UBE2Q2: variants seen among roughly 807,000 people sequenced by gnomAD.
The protein encoded by UBE2Q2 is ubiquitin-conjugating enzyme E2 Q2.
In UBE2Q2, 54 loss-of-function variants were observed where a neutral mutation model predicts 59.9. The ratio of observed to expected loss-of-function variants is 0.90; its 90% confidence interval spans 0.72 to 1.13. UBE2Q2 has a LOEUF of 1.13. Among genes scored for constraint, UBE2Q2 ranks in the 50% most tolerant of loss-of-function variants. The pLI is 0.00. For missense variants in UBE2Q2, 433 were observed against 441.9 expected, an observed-to-expected ratio of 0.98 and a Z score of 0.18; for synonymous variants, 165 against 155.2, an observed-to-expected ratio of 1.06 and a Z score of -0.47.
intron 9 of UBE2Q2, among the ~76,000 whole-genome samples, chr15:75,889,187 A>T (rs1898956772): frequency 6.6e-6 from 1 of 152,182 alleles, no homozygotes; most frequent in East Asian, 1.9e-4. Context: ...CACAAAAAAA[A>T]ATTTAATCCC....
intron 1 of UBE2Q2, among the ~76,000 whole-genome samples, chr15:75,849,160 A>G (rs1277939350): frequency 6.6e-6 from 1 of 152,200 alleles, no homozygotes; most frequent in Non-Finnish European, 1.5e-5. Context: ...AACCATGTGT[A>G]TGCATTTTAA....
chr15:75,863,426 TTC>T (rs1240903377), intron 3 of UBE2Q2, among the ~76,000 whole-genome samples: 1 of 151,996 alleles, frequency 6.6e-6, no homozygotes, highest in Admixed American at 6.6e-5. Context: ...TCACTTTTCC[TTC>T]TGTTTTTTTT....
intron 4 of UBE2Q2, among the ~76,000 whole-genome samples, chr15:75,871,171 AT>A (rs1257723175): frequency 2.6e-5 from 4 of 152,252 alleles, no homozygotes; most frequent in African/African-American, 9.6e-5. Flanking sequence ...GCTTTTAGAT[AT>A]GCATGCACAT....
chr15:75,890,999 G>T lies in UBE2Q2; in HGVS notation c.1014G>T (p.Gln338His), dbSNP rs1359279424. Residue 338 changes from glutamine (Q) to histidine (H), a missense_variant, in exon 11 of 13, where the codon CAG becomes CAT. By Grantham distance (24) the Gln-to-His change is conservative. Transcript: ENST00000267938. ...ATLVKGKARV[Q>H]FGANKNQYNL... ...TAGTCAAAGGCAAAGCCAGAGTGCA[G>T]TTTGGAGCAAATAAGGTACTTCTGT... 6.2e-7 allele frequency: 1 copy of T among 1,611,906 alleles called. No individual in the cohort carries two copies. The highest frequency in any genetic ancestry group is 1.1e-5 in the South Asian group (1 of 90,978).
intron 11 of UBE2Q2, among the ~76,000 whole-genome samples, chr15:75,894,683 A>G (rs1899298274): frequency 6.6e-6 from 1 of 152,122 alleles, no homozygotes; most frequent in Non-Finnish European, 1.5e-5. Flanking sequence ...CCCCCAGTAC[A>G]GTAAAGTCTC....
In UBE2Q2 at chr15:75,843,787, C is replaced by G. The variant is rs370490637; in HGVS notation, c.121C>G (p.Pro41Ala). ...LDELHCQFLVPQQGSPHSLPP... is the reference protein window; with the variant it reads ...LDELHCQFLVAQQGSPHSLPP... ...CGAGCTGCACTGCCAGTTCCTGGTG[C>G]CGCAGCAGGGCAGCCCGCACTCGCT... is the stretch of plus-strand genomic sequence containing the variant. The change falls in exon 1 of 13, where the codon CCG becomes GCG. Residue 41 changes from proline to alanine, a missense_variant. Transcript: ENST00000267938. 2.5e-6 allele frequency: 4 copies of G among 1,608,774 alleles called. No individual in the cohort carries two copies. In the African/African-American group the frequency reaches 5.4e-5, roughly 22 times the overall value.
intron 6 of UBE2Q2, among the ~76,000 whole-genome samples, chr15:75,877,730 A>G (rs2141630899): frequency 6.6e-6 from 1 of 152,326 alleles, no homozygotes; most frequent in East Asian, 1.9e-4. Context: ...ACTAAACGGT[A>G]AGCAGTTTTT....
At chr15:75,895,840 C>T (rs1899388702) in intron 11 of UBE2Q2, among the ~76,000 whole-genome samples, 1 of 152,104 alleles carries the variant, frequency 6.6e-6, no homozygotes, top group Admixed American at 6.5e-5. Flanking sequence ...CTCAGAATTA[C>T]ACATATATAT....
chr15:75,854,918 G>A (rs1896823229), intron 2 of UBE2Q2, among the ~76,000 whole-genome samples: 1 of 151,956 alleles, frequency 6.6e-6, no homozygotes, highest in African/African-American at 2.4e-5. Flanking sequence ...TTTGTTTTTA[G>A]TATATAAAGA....
At chr15:75,870,516 A>G (rs768597024) in intron 4 of UBE2Q2, among the ~76,000 whole-genome samples, 1 of 152,204 alleles carries the variant, frequency 6.6e-6, no homozygotes, top group Non-Finnish European at 1.5e-5. Context: ...CCAGTTTACC[A>G]TGAAGCAGCC....
chr15:75,878,749 C>A (rs1898226780), intron 7 of UBE2Q2, among the ~76,000 whole-genome samples: 1 of 151,844 alleles, frequency 6.6e-6, no homozygotes, highest in East Asian at 1.9e-4. Context: ...CTCCTTGAAC[C>A]CTTTGGCTAA....
At position 75,897,074 on chromosome 15, in the gene UBE2Q2, C is replaced by T; in HGVS notation, c.1096+13C>T. 6.7e-7 allele frequency: 1 copy of T among 1,497,778 alleles called. No homozygotes were observed. Among genetic ancestry groups the T allele is most frequent in the African/African-American group, 1.4e-5 (1 of 71,016 alleles). The allele number at this position is 1,497,778 out of a possible 1,614,324, so 92.8% of individuals were successfully genotyped here. ...CATGAGAAAAATGGTATGTTTAATTCAATAAGTGTTTATTGCCATTTAAGA... is the reference window on the plus strand; with the variant it reads ...CATGAGAAAAATGGTATGTTTAATTTAATAAGTGTTTATTGCCATTTAAGA... On this transcript the variant is annotated intron_variant, in intron 12 of 12. Coordinates refer to ENST00000267938, the MANE Select transcript of UBE2Q2 (RefSeq NM_173469.4).
At position 75,843,599 on chromosome 15, in the gene UBE2Q2, T is replaced by A; in HGVS notation, c.-68T>A. The A allele has an allele frequency of 7.2e-7, 1 of 1,391,632 alleles. No homozygotes were observed. Among genetic ancestry groups the A allele is most frequent in the South Asian group, 1.3e-5 (1 of 75,776 alleles). The allele number at this position is 1,391,632 out of a possible 1,614,324, so 86.2% of individuals were successfully genotyped here. On this transcript the variant is annotated 5_prime_UTR_variant, in exon 1 of 13. Transcript: ENST00000267938. ...GGGCGGTCGCGGCCGTGACGGCGGC[T>A]CCGGGCCCGGCTCCCCTTCCGCGCC...
chr15:75,850,099 A>G (rs1166657663), intron 1 of UBE2Q2, among the ~76,000 whole-genome samples: 1 of 152,206 alleles, frequency 6.6e-6, no homozygotes, highest in Non-Finnish European at 1.5e-5. Flanking sequence ...TCTCTCTTAA[A>G]TGTTAAACTG....
At chr15:75,868,129 T>G (rs1897600068) in intron 3 of UBE2Q2, among the ~76,000 whole-genome samples, 1 of 152,322 alleles carries the variant, frequency 6.6e-6, no homozygotes, top group Middle Eastern at 3.4e-3. Flanking sequence ...TAACAGATGC[T>G]TAGATACTGC....
At chr15:75,883,000 G>A (rs1286737963) in intron 8 of UBE2Q2, among the ~76,000 whole-genome samples, 1 of 151,936 alleles carries the variant, frequency 6.6e-6, no homozygotes, top group Non-Finnish European at 1.5e-5. Flanking sequence ...CCTGCTCTCT[G>A]GTGTTCCCTT....
chr15:75,885,790 T>C (rs369776713), intron 9 of UBE2Q2, among the ~76,000 whole-genome samples: 1 of 152,230 alleles, frequency 6.6e-6, no homozygotes. Context: ...AATAGTTGTT[T>C]AGAATTGTGT....
At chr15:75,852,182 G>A (rs556730419) in intron 1 of UBE2Q2, among the ~76,000 whole-genome samples, 6 of 152,022 alleles carry the variant, frequency 3.9e-5, no homozygotes, top group East Asian at 1.9e-4. Context: ...CAGCCTTATC[G>A]TAGACATTCT....
At chr15:75,896,365 G>A (rs893741738) in intron 11 of UBE2Q2, among the ~76,000 whole-genome samples, 2 of 152,124 alleles carry the variant, frequency 1.3e-5, no homozygotes, top group Non-Finnish European at 2.9e-5. Context: ...GTGGATAGAT[G>A]GGTACCACTA....
Sources: gnomAD v4.1 joint callset for allele counts (sites outside exome capture counted in the v4.1 genomes callset) on GRCh38, gnomAD v4.1.1 for gene constraint, MANE v1.5 for transcripts, NCBI Gene and HGNC (gene_info 2026-07-23, HGNC 2026-07-21) for gene names.